SGCZ: variants seen among roughly 807,000 people sequenced by gnomAD.
SGCZ encodes the protein sarcoglycan zeta, also known as zeta-sarcoglycan.
Under a neutral mutation model 41.3 loss-of-function variants are expected in SGCZ, and 40 were observed. The ratio of observed to expected loss-of-function variants is 0.97; its 90% CI spans 0.75 to 1.26. The LOEUF (loss-of-function observed/expected upper bound fraction) is 1.26, where lower values mean the gene tolerates loss of function less well. SGCZ is among the 50% of genes most tolerant of loss of function. The pLI, the probability that SGCZ is intolerant of heterozygous loss-of-function variation, is 0.00. For missense variants in SGCZ, 552 were observed against 369.8 expected (o/e 1.49, Z -4.04); for synonymous variants, 206 against 137.5 (o/e 1.50, Z -3.49).
At chr8:14,208,806 T>G (rs1805702067) in intron 4 of SGCZ, among the ~76,000 whole-genome samples, 1 of 152,220 alleles carries the variant, frequency 6.6e-6, no homozygotes. Flanking sequence ...TGTATAAAGA[T>G]GCTAATCATA....
At chr8:14,477,417 C>T (rs1385616924) in intron 2 of SGCZ, among the ~76,000 whole-genome samples, 1 of 152,042 alleles carries the variant, frequency 6.6e-6, no homozygotes, top group East Asian at 1.9e-4. Context: ...ATACTTCTTA[C>T]CACTGTGAGT....
intron 1 of SGCZ, among the ~76,000 whole-genome samples, chr8:14,698,885 T>C (rs1809048043): frequency 6.6e-6 from 1 of 151,934 alleles, no homozygotes; most frequent in Non-Finnish European, 1.5e-5. Flanking sequence ...GGTAGAAAGG[T>C]AGATCAAATA....
chr8:15,071,885 G>A (rs371641766), intron 1 of SGCZ, among the ~76,000 whole-genome samples: 3 of 152,118 alleles, frequency 2.0e-5, no homozygotes, highest in East Asian at 1.9e-4. Flanking sequence ...CATCTCATCT[G>A]GGCCTCCCAC....
chr8:14,528,032 C>A (rs80050798), intron 2 of SGCZ, among the ~76,000 whole-genome samples: 5,264 of 151,982 alleles, frequency 0.035, 299 homozygotes, highest in African/African-American at 0.12. Context: ...GAGGTGATGC[C>A]TCAGTCATCT....
chr8:14,189,765 T>C (rs1483973434), intron 4 of SGCZ, among the ~76,000 whole-genome samples: 1 of 152,174 alleles, frequency 6.6e-6, no homozygotes, highest in Admixed American at 6.5e-5. Context: ...CTTTGTCTTA[T>C]CACTTTTGTT....
intron 1 of SGCZ, among the ~76,000 whole-genome samples, chr8:15,018,571 A>G (rs952002584): frequency 1.3e-5 from 2 of 152,070 alleles, no homozygotes; most frequent in Non-Finnish European, 2.9e-5. Context: ...AAGGCCCCCA[A>G]CTCAAGAACA....
chr8:14,654,886 C>T (rs967919250), intron 1 of SGCZ, among the ~76,000 whole-genome samples: 11 of 151,770 alleles, frequency 7.2e-5, no homozygotes, highest in South Asian at 2.1e-4. Flanking sequence ...AGGCTGGTTT[C>T]GAACTCCTGA....
intron 1 of SGCZ, among the ~76,000 whole-genome samples, chr8:15,209,159 C>A (rs1166102091): frequency 1.3e-5 from 2 of 152,012 alleles, no homozygotes; most frequent in Non-Finnish European, 2.9e-5. Flanking sequence ...TTCTAAAGCA[C>A]CTTTTAGAGC....
chr8:14,132,559 A>T (rs1373187770), intron 5 of SGCZ, among the ~76,000 whole-genome samples: 3 of 152,156 alleles, frequency 2.0e-5, no homozygotes, highest in African/African-American at 7.2e-5. Context: ...TATTTTGTTT[A>T]TACATTATTT....
At chr8:14,710,149 G>A (rs990277376) in intron 1 of SGCZ, among the ~76,000 whole-genome samples, 1 of 152,058 alleles carries the variant, frequency 6.6e-6, no homozygotes, top group African/African-American at 2.4e-5. Context: ...GGCAGATCAC[G>A]AGGTCAGGAG....
At chr8:14,567,138 T>C (rs1804394309) in intron 1 of SGCZ, among the ~76,000 whole-genome samples, 1 of 152,322 alleles carries the variant, frequency 6.6e-6, no homozygotes, top group South Asian at 2.1e-4. Flanking sequence ...CCATGGGCTC[T>C]GGTGGCGTCG....
intron 2 of SGCZ, among the ~76,000 whole-genome samples, chr8:14,533,183 C>G (rs1050178790): frequency 6.6e-6 from 1 of 151,814 alleles, no homozygotes; most frequent in South Asian, 2.1e-4. Flanking sequence ...TGTTGTCTTC[C>G]CCACCCTGTA....
intron 3 of SGCZ, among the ~76,000 whole-genome samples, chr8:14,319,222 C>A (rs1045832561): frequency 2.0e-5 from 3 of 151,622 alleles, no homozygotes; most frequent in Non-Finnish European, 4.4e-5. Context: ...AGTGAAATGG[C>A]AAAAATATAG....
chr8:14,957,021 T>A (rs1327558351), intron 1 of SGCZ, among the ~76,000 whole-genome samples: 1 of 152,068 alleles, frequency 6.6e-6, no homozygotes, highest in African/African-American at 2.4e-5. Context: ...CCTAGCACGA[T>A]AGAAAAAAAC....
At chr8:15,046,263 G>A (rs1349008526) in intron 1 of SGCZ, among the ~76,000 whole-genome samples, 3 of 151,970 alleles carry the variant, frequency 2.0e-5, no homozygotes, top group Admixed American at 6.6e-5. Flanking sequence ...ACGAGTAAGT[G>A]CTAGATAAAC....
chr8:14,935,072 A>G (rs1234694930), intron 1 of SGCZ, among the ~76,000 whole-genome samples: 1 of 151,578 alleles, frequency 6.6e-6, no homozygotes, highest in East Asian at 1.9e-4. Context: ...AAAAATTACA[A>G]TATAGCTAAA....
At chr8:14,600,927 G>C (rs576803131) in intron 1 of SGCZ, among the ~76,000 whole-genome samples, 1 of 151,264 alleles carries the variant, frequency 6.6e-6, no homozygotes, top group Non-Finnish European at 1.5e-5. Context: ...TAACCTCAAA[G>C]TAATCTTGAT....
rs1247648415 is a variant in SGCZ at position 14,085,991 on chromosome 8, T to C, written c.*4452A>G. Reference sequence around the variant, plus strand: ...ACATGAATAACAGTGTTCAATTAAATTATTGATTAGTTTATGATTATTTAA... The same window carrying C: ...ACATGAATAACAGTGTTCAATTAAACTATTGATTAGTTTATGATTATTTAA... On this transcript the variant is annotated 3_prime_UTR_variant, in exon 8 of 8. Transcript: ENST00000382080. Among the ~76,000 whole-genome samples the C allele has an allele frequency of 6.6e-6, 1 of 151,752 alleles. No individual in the cohort carries two copies. Among genetic ancestry groups the C allele is most frequent in the Non-Finnish European group, 1.5e-5 (1 of 67,772 alleles).
rs1563436034 is a variant in SGCZ at position 15,012,586 on chromosome 8, A to ATATATATTATATAAAT, written c.39+224998_39+224999insATTTATATAATATATA. ...ACATATAAATATATATTTATATAAC[A>ATATATATTATATAAAT]TATAAATATATATTTATATAATACA... On this transcript the variant is annotated intron_variant, in intron 1 of 7. Coordinates refer to ENST00000382080, the MANE Select transcript of SGCZ (RefSeq NM_139167.4). Among the ~76,000 whole-genome samples, 152 of 53,542 alleles carry ATATATATTATATAAAT rather than the reference A, an allele frequency of 2.8e-3. 2 individuals are homozygous for ATATATATTATATAAAT. The highest frequency in any genetic ancestry group is 6.5e-3 in the African/African-American group (150 of 23,216). 35.1% of individuals were successfully genotyped at this position (53,542 alleles called of 152,430 possible). A position where few individuals can be genotyped will look rare whatever the true frequency, so the allele number is the denominator to read the frequency against.
Sources: gnomAD v4.1 joint callset for allele counts (sites outside exome capture counted in the v4.1 genomes callset) on GRCh38, gnomAD v4.1.1 for gene constraint, MANE v1.5 for transcripts, NCBI Gene and HGNC (gene_info 2026-07-23, HGNC 2026-07-21) for gene names.